Variants in TANC2 observed in about 807,000 individuals in gnomAD.
The protein encoded by TANC2 is protein TANC2.
A neutral mutation model predicts 210.5 loss-of-function variants in TANC2; 26 were observed. The observed-to-expected ratio is 0.12, with a 90% CI of 0.09 to 0.17. The LOEUF is 0.17. TANC2 is among the 10% of genes least tolerant of loss of function. The pLI, the probability that TANC2 is intolerant of heterozygous loss-of-function variation, is 1.00. For missense variants in TANC2, 2,129 were observed against 2,608.9 expected, an observed-to-expected ratio of 0.82 and a Z score of 4.01; for synonymous variants, 931 against 967.1, an observed-to-expected ratio of 0.96 and a Z score of 0.69.
chr17:63,396,065 A>G, intron 18 of TANC2, 137 bp downstream of exon 18: 1 of 794,002 alleles, frequency 1.3e-6, no homozygotes, highest in Non-Finnish European at 2.0e-6. Context: ...AATAATAAGG[A>G]GATTAAACTC....
intron 5 of TANC2, among the ~76,000 whole-genome samples, chr17:63,185,176 G>A (rs2040937537): frequency 6.6e-6 from 1 of 151,760 alleles, no homozygotes; most frequent in South Asian, 2.1e-4. Flanking sequence ...TTAAAAAAAT[G>A]TTTTTTTGGA....
At chr17:63,167,860 G>C (rs1297480870) in intron 5 of TANC2, among the ~76,000 whole-genome samples, 2 of 129,830 alleles carry the variant, frequency 1.5e-5, no homozygotes, top group East Asian at 4.2e-4. Context: ...ACTGCAGCCT[G>C]GGTGACAGAG....
intron 3 of TANC2, among the ~76,000 whole-genome samples, chr17:63,096,914 G>A (rs1400640314): frequency 1.3e-5 from 2 of 151,920 alleles, no homozygotes; most frequent in Non-Finnish European, 2.9e-5. Context: ...ACCCATTTTA[G>A]TGGGTATAAA....
intron 2 of TANC2, among the ~76,000 whole-genome samples, 196 bp from the exon 3 acceptor site, chr17:63,073,747 G>C (rs2036478773): frequency 6.6e-6 from 1 of 152,054 alleles, no homozygotes; most frequent in Non-Finnish European, 1.5e-5. Context: ...ACTTCAAGAG[G>C]GGAGTGTAAA....
At chr17:63,328,711 A>G (rs1232152422) in intron 11 of TANC2, among the ~76,000 whole-genome samples, 2 of 151,594 alleles carry the variant, frequency 1.3e-5, no homozygotes, top group Non-Finnish European at 2.9e-5. Flanking sequence ...TTTCAGATAG[A>G]TAGGAAGAAT....
Position 63,421,563 on chromosome 17 carries a change from C to T in TANC2, c.5833C>T (p.Leu1945Phe). The change falls in exon 28 of 28, where the codon CTC becomes TTC. Residue 1945 changes from leucine (L) to phenylalanine (F), a missense_variant. By Grantham distance (22) the Leu-to-Phe change is conservative (BLOSUM62 0). This residue lies in a region of TANC2 where 161 missense variants were observed against 178.6 expected (regional missense o/e 0.90). Transcript: ENST00000689528. This position sits in a 1 kb window ranked among gnomAD's most constrained non-coding sequence, Gnocchi z 6.9. ...AGCACGGACTCAGCAGTACCCCCAC[C>T]TCCACCAGCAGAATCGGACCTGGGC... The T allele has an allele frequency of 6.2e-7, 1 of 1,614,048 alleles. No individual in the cohort carries two copies. Among genetic ancestry groups the T allele is most frequent in the Non-Finnish European group, 8.5e-7 (1 of 1,179,892 alleles).
At chr17:63,280,981 T>TA (rs1163673810) in intron 9 of TANC2, among the ~76,000 whole-genome samples, 3 of 152,140 alleles carry the variant, frequency 2.0e-5, no homozygotes, top group Admixed American at 6.6e-5. Flanking sequence ...AAAGCCATAA[T>TA]AAAAACATGT....
At chr17:63,234,225 A>T (rs552498563) in intron 7 of TANC2, among the ~76,000 whole-genome samples, 2 of 152,188 alleles carry the variant, frequency 1.3e-5, no homozygotes, top group Non-Finnish European at 2.9e-5. Context: ...TTAAGAGTAC[A>T]GTACTATATT....
rs528412319 is a variant in TANC2, at chr17:63,367,470, T to A, written c.2582+12080T>A. 3.9e-5 allele frequency among the ~76,000 whole-genome samples: 6 copies of A among 152,338 alleles called. No homozygotes were observed. The South Asian group carries it at 1.0e-3, about 26-fold the overall frequency. On this transcript the variant is annotated intron_variant, in intron 14 of 27. Transcript: ENST00000689528. ...TTTATGTGTGGCTCAAAACAATTCT[T>A]CTTCTTCCAGTGTGGCCCCAGGAAG...
intron 5 of TANC2, among the ~76,000 whole-genome samples, chr17:63,185,442 T>C (rs545228873): frequency 2.0e-5 from 3 of 152,234 alleles, no homozygotes; most frequent in Non-Finnish European, 4.4e-5. Context: ...TATGAACATT[T>C]GTTATGTGTC....
At chr17:63,332,059 C>T (rs2045874514) in intron 11 of TANC2, 1 of 319,526 alleles carries the variant, frequency 3.1e-6, no homozygotes, top group Non-Finnish European at 6.1e-6. Context: ...ATTATGCCAT[C>T]TGTAGAGTCT....
At chr17:63,409,393 C>T (rs2048618428) in intron 21 of TANC2, among the ~76,000 whole-genome samples, 1 of 152,070 alleles carries the variant, frequency 6.6e-6, no homozygotes, top group South Asian at 2.1e-4. Context: ...ACCATGTTGC[C>T]CAGGCTGGTC....
intron 8 of TANC2, among the ~76,000 whole-genome samples, chr17:63,267,302 T>C (rs541386077): frequency 4.2e-4 from 64 of 152,336 alleles, no homozygotes; most frequent in South Asian, 4.1e-4. Flanking sequence ...TTACTGTCTC[T>C]GCAGCTTTCA....
rs138492584 is a variant in TANC2, at chr17:63,416,404, G to A, written c.4167+730G>A. On this transcript the variant is annotated intron_variant, in intron 26 of 27. Transcript: ENST00000689528. ...AGTCTCTGACATCTACCTGCCTGAG[G>A]TCTCACAGTTCCTCAGGAGATAAAA... 2.3e-3 allele frequency among the ~76,000 whole-genome samples: 353 copies of A among 152,276 alleles called. 9 individuals are homozygous for A. The highest frequency in any genetic ancestry group is 0.021 in the Admixed American group (315 of 15,286).
chr17:63,345,904 C>G (rs761722375), intron 12 of TANC2, among the ~76,000 whole-genome samples: 4 of 152,064 alleles, frequency 2.6e-5, no homozygotes, highest in Non-Finnish European at 5.9e-5. Context: ...GTCCAAAATT[C>G]CACAGACAGG....
At chr17:63,336,931 G>A (rs1317278126) in intron 11 of TANC2, among the ~76,000 whole-genome samples, 1 of 152,144 alleles carries the variant, frequency 6.6e-6, no homozygotes, top group Non-Finnish European at 1.5e-5. Flanking sequence ...AAGGTGTAGG[G>A]AGTGATCTAA....
At chr17:63,340,355 G>T in intron 12 of TANC2, 23 bp downstream of exon 12, 1 of 1,600,230 alleles carries the variant, frequency 6.2e-7, no homozygotes, top group Non-Finnish European at 8.6e-7. Context: ...CCCAAAGGAG[G>T]GGAAAGATGG....
At chr17:63,141,568 G>GAA (rs879331650) in intron 4 of TANC2, among the ~76,000 whole-genome samples, 1 of 140,394 alleles carries the variant, frequency 7.1e-6, no homozygotes, top group African/African-American at 2.6e-5. Context: ...TCTGTCTCAA[G>GAA]AAAAAAAAAA....
intron 3 of TANC2, among the ~76,000 whole-genome samples, chr17:63,090,869 G>A (rs1264815166): frequency 3.3e-5 from 5 of 152,160 alleles, no homozygotes; most frequent in Admixed American, 3.3e-4. Flanking sequence ...TCCAGCACCT[G>A]TTGTTTCCTG....
Sources: allele counts gnomAD v4.1 joint callset (sites outside exome capture counted in the v4.1 genomes callset), GRCh38; gene constraint gnomAD v4.1.1; regional missense constraint gnomAD v4.1.1; non-coding constraint Gnocchi (gnomAD v3.1); transcripts MANE v1.5; gene names NCBI Gene and HGNC (gene_info 2026-07-23, HGNC 2026-07-21).